Variants in INPP5A observed in about 807,000 individuals in gnomAD.
INPP5A encodes inositol polyphosphate-5-phosphatase A.
In INPP5A, 14 loss-of-function variants were observed where a neutral mutation model predicts 65.2. The ratio of observed to expected loss-of-function variants is 0.21; its 90% CI spans 0.14 to 0.34. The LOEUF is 0.34. INPP5A is among the 10% of genes least tolerant of loss of function. The pLI, the probability that INPP5A is intolerant of heterozygous loss-of-function variation, is 1.00. For synonymous variants in INPP5A, 207 were observed against 208.3 expected (o/e 0.99, Z 0.05); for missense variants, 431 against 545.6 (o/e 0.79, Z 2.09).
intron 9 of INPP5A, among the ~76,000 whole-genome samples, chr10:132,745,343 G>A (rs1221334181): frequency 1.3e-5 from 2 of 152,150 alleles, no homozygotes; most frequent in Non-Finnish European, 2.9e-5. Context: ...AGTGACTAAC[G>A]GATTCCCTTG....
rs933804956 is a variant in INPP5A, at chr10:132,756,744, TAA to T, written c.903+6901_903+6902del. Among the ~76,000 whole-genome samples the T allele has an allele frequency of 1.7e-4, 26 of 152,368 alleles. No homozygotes were observed. In the Middle Eastern group the frequency reaches 0.01, roughly 60 times the overall value. ...TCTACTTAATAAAAAAAGGTACCTG[TAA>T]ACAGCCTCAGGCAGGTCCTTCAGGC... On this transcript the variant is annotated intron_variant, in intron 11 of 15. Transcript: ENST00000368594.
chr10:132,703,757 T>TC (rs1845481274), intron 6 of INPP5A, among the ~76,000 whole-genome samples: 1 of 38,812 alleles, frequency 2.6e-5, no homozygotes, highest in Non-Finnish European at 4.3e-5. Context: ...ACGTACGGCT[T>TC]CACCCCCCCC....
chr10:132,703,699 C>T (rs371740294), intron 6 of INPP5A, among the ~76,000 whole-genome samples: 30 of 100,536 alleles, frequency 3.0e-4, no homozygotes, highest in African/African-American at 1.1e-3. Flanking sequence ...CAGACACATG[C>T]GGCTTCACCC....
intron 13 of INPP5A, 147 bp from the exon 14 acceptor site, chr10:132,780,702 G>T (rs896740176): frequency 1.4e-6 from 1 of 721,984 alleles, no homozygotes; most frequent in Non-Finnish European, 2.5e-6. Context: ...AGGCAGGGCG[G>T]GTGGCAGAGG....
At position 132,651,414 on chromosome 10, in the gene INPP5A, G is replaced by A. The variant is rs113139929; in HGVS notation, c.306+909G>A. 7.3e-6 allele frequency among the ~76,000 whole-genome samples: 1 copy of A among 137,574 alleles called. No individual in the cohort carries two copies. The highest frequency in any genetic ancestry group is 2.2e-4 in the East Asian group (1 of 4,562). 90.3% of individuals were successfully genotyped at this position (137,574 alleles called of 152,430 possible). A position where few individuals can be genotyped will look rare whatever the true frequency, so the allele number is the denominator to read the frequency against. On this transcript the variant is annotated intron_variant, in intron 4 of 15. Transcript: ENST00000368594. The surrounding 1 kb of genome is among the most constrained non-coding windows in gnomAD (Gnocchi z 5.0). ...TCTCTGGGGAGGCCCTGGGTCCCCC[G>A]GCCTGGGTCCATCTCCCCCGTCTCT... is the stretch of plus-strand genomic sequence containing the variant.
rs1845539619 is a variant in INPP5A, at chr10:132,706,511, C to T, written c.475-1802C>T. Among the ~76,000 whole-genome samples, 5 of 152,222 alleles carry T rather than the reference C, an allele frequency of 3.3e-5. No individual in the cohort carries two copies. The highest frequency in any genetic ancestry group is 4.1e-4 in the South Asian group (2 of 4,828). On this transcript the variant is annotated intron_variant, in intron 6 of 15. Coordinates refer to ENST00000368594, the MANE Select transcript of INPP5A (RefSeq NM_005539.5). This position sits in a 1 kb window ranked among gnomAD's most constrained non-coding sequence, Gnocchi z 4.7. ...ACATACATTCAGAGGATTCACAGTTCGTGTGCCGGGGTGCTTCTTACAGCA... is the reference window on the plus strand; with the variant it reads ...ACATACATTCAGAGGATTCACAGTTTGTGTGCCGGGGTGCTTCTTACAGCA...
chr10:132,658,507 A>G (rs892268423), intron 4 of INPP5A, among the ~76,000 whole-genome samples: 1 of 152,164 alleles, frequency 6.6e-6, no homozygotes, highest in Admixed American at 6.5e-5. Flanking sequence ...TGGGAAAACA[A>G]TTGCCATGAG....
chr10:132,706,325 A>G lies in INPP5A; in HGVS notation c.475-1988A>G, dbSNP rs1050445145. 6.6e-6 allele frequency among the ~76,000 whole-genome samples: 1 copy of G among 152,254 alleles called. No homozygotes were observed. The highest frequency in any genetic ancestry group is 1.5e-5 in the Non-Finnish European group (1 of 68,040). On this transcript the variant is annotated intron_variant, in intron 6 of 15. Transcript: ENST00000368594. The surrounding 1 kb of genome is among the most constrained non-coding windows in gnomAD (Gnocchi z 4.7). ...AAATTCCAGAAAGAAGCAGTGGAGC[A>G]GTGTTGGAAGTGATAAGGGGAAATT...
intron 1 of INPP5A, among the ~76,000 whole-genome samples, chr10:132,593,609 G>C (rs1382435337): frequency 6.6e-6 from 1 of 152,204 alleles, no homozygotes; most frequent in Non-Finnish European, 1.5e-5. Context: ...TCGGGGGGTA[G>C]TCCCTCCAGT....
chr10:132,776,270 G>A lies in INPP5A; in HGVS notation c.978-1401G>A, dbSNP rs112056323. 3.8e-3 allele frequency among the ~76,000 whole-genome samples: 574 copies of A among 152,318 alleles called. 2 individuals are homozygous for A. The highest frequency in any genetic ancestry group is 0.013 in the African/African-American group (521 of 41,580). On this transcript the variant is annotated intron_variant, in intron 12 of 15. Transcript: ENST00000368594. Reference sequence around the variant, plus strand: ...AACCAAGCAGTGACTGCCCAAGGCCGGGTGGCAGCCGTGGCTCCTGTGAGT... The same window carrying A: ...AACCAAGCAGTGACTGCCCAAGGCCAGGTGGCAGCCGTGGCTCCTGTGAGT...
chr10:132,564,602 G>A (rs1221245254), intron 1 of INPP5A, among the ~76,000 whole-genome samples: 1 of 152,188 alleles, frequency 6.6e-6, no homozygotes, highest in Non-Finnish European at 1.5e-5. Flanking sequence ...TGGAGTAGAA[G>A]TTTATATAAC....
Position 132,704,514 on chromosome 10 carries a change from C to T in INPP5A, c.475-3799C>T, listed in dbSNP as rs1415057816. On this transcript the variant is annotated intron_variant, in intron 6 of 15. Coordinates refer to ENST00000368594, the MANE Select transcript of INPP5A (RefSeq NM_005539.5). The surrounding 1 kb of genome is among the most constrained non-coding windows in gnomAD (Gnocchi z 4.5). ...GCTGCTGGTGCGCAGAGCCACCCCTCGCAGCCCGCCGGCAACATGGGCTCT... is the reference window on the plus strand; with the variant it reads ...GCTGCTGGTGCGCAGAGCCACCCCTTGCAGCCCGCCGGCAACATGGGCTCT... 2.6e-5 allele frequency among the ~76,000 whole-genome samples: 4 copies of T among 152,236 alleles called. No homozygotes were observed. Among genetic ancestry groups the T allele is most frequent in the Non-Finnish European group, 5.9e-5 (4 of 68,044 alleles).
At chr10:132,701,305 A>G (rs1845432516) in intron 6 of INPP5A, among the ~76,000 whole-genome samples, 1 of 152,192 alleles carries the variant, frequency 6.6e-6, no homozygotes, top group Admixed American at 6.5e-5. Flanking sequence ...CTCTGGGAGT[A>G]GAGGAGCCAA....
chr10:132,610,058 C>T (rs1290652084), intron 2 of INPP5A, among the ~76,000 whole-genome samples: 3 of 152,252 alleles, frequency 2.0e-5, no homozygotes, highest in African/African-American at 7.2e-5. Context: ...AGTGGCTGGG[C>T]CTGACCCGCA....
chr10:132,763,298 T>C (rs568165875), intron 11 of INPP5A, among the ~76,000 whole-genome samples: 2 of 152,216 alleles, frequency 1.3e-5, no homozygotes, highest in Non-Finnish European at 2.9e-5. Flanking sequence ...AAGAACCGCA[T>C]GGCACCTAGC....
chr10:132,589,161 G>A (rs1344388818), intron 1 of INPP5A, among the ~76,000 whole-genome samples: 1 of 152,212 alleles, frequency 6.6e-6, no homozygotes, highest in Non-Finnish European at 1.5e-5. Context: ...TCTGCGCCAC[G>A]TGCAGGGTTC....
intron 12 of INPP5A, among the ~76,000 whole-genome samples, chr10:132,770,792 C>T (rs533270441): frequency 2.0e-5 from 3 of 152,252 alleles, no homozygotes; most frequent in Admixed American, 6.5e-5. Context: ...ATCTGGGAGC[C>T]GCACACACAG....
chr10:132,553,286 G>C (rs1371098639), intron 1 of INPP5A, among the ~76,000 whole-genome samples: 1 of 125,270 alleles, frequency 8.0e-6, no homozygotes, highest in Non-Finnish European at 1.7e-5. Flanking sequence ...TCAGAGCCTT[G>C]GTGGAATATT....
In INPP5A at chr10:132,551,716, C is replaced by T. The variant is rs1042292174; in HGVS notation, c.75+13545C>T. On this transcript the variant is annotated intron_variant, in intron 1 of 15. Coordinates refer to ENST00000368594, the MANE Select transcript of INPP5A (RefSeq NM_005539.5). This position sits in a 1 kb window ranked among gnomAD's most constrained non-coding sequence, Gnocchi z 5.3. ...ACAGGTGGAAGGTGGAGGCCTGGGC[C>T]CAGGCTGGAGGGACGTGGGGTGGGA... Among the ~76,000 whole-genome samples the T allele has an allele frequency of 6.6e-6, 1 of 152,156 alleles. No homozygotes were observed. The highest frequency in any genetic ancestry group is 1.5e-5 in the Non-Finnish European group (1 of 68,032).
Sources: allele counts gnomAD v4.1 joint callset (sites outside exome capture counted in the v4.1 genomes callset), GRCh38; gene constraint gnomAD v4.1.1; non-coding constraint Gnocchi (gnomAD v3.1); transcripts MANE v1.5; gene names NCBI Gene and HGNC (gene_info 2026-07-23, HGNC 2026-07-21).